Variants in PCDH9 observed in about 807,000 individuals in gnomAD.
The protein encoded by PCDH9 is protocadherin 9.
Under a neutral mutation model 70.6 loss-of-function variants are expected in PCDH9, and 24 were observed. The ratio of observed to expected loss-of-function variants is 0.34; its 90% CI spans 0.25 to 0.48. PCDH9 has a LOEUF of 0.48. Ranked by LOEUF, PCDH9 falls within the 20% of genes least tolerant of loss-of-function variation. PCDH9 has a pLI of 0.99. For missense variants in PCDH9, 1,281 were observed against 1,503.6 expected (o/e 0.85, Z 2.45); for synonymous variants, 562 against 558.5 (o/e 1.01, Z -0.09).
At position 67,227,671 on chromosome 13, in the gene PCDH9, A is replaced by T. The variant is rs760690872; in HGVS notation, c.770T>A (p.Val257Glu). 1.9e-6 allele frequency: 3 copies of T among 1,613,670 alleles called. No homozygotes were observed. Among genetic ancestry groups the T allele is most frequent in the East Asian group, 4.5e-5 (2 of 44,890 alleles). ...AGCATTCTCTGGAATATGCACCTCC[A>T]CTTGACCCTCTTTAAACACTGGCCT... is the stretch of plus-strand genomic sequence containing the variant. Reference protein sequence around the residue: ...DNRPVFKEGQVEVHIPENAPV... With the variant: ...DNRPVFKEGQEEVHIPENAPV... The change falls in exon 2 of 5, where the codon GTG becomes GAG. Residue 257 changes from valine to glutamate, a missense_variant. By Grantham distance (121) the Val-to-Glu change is moderately radical. Around this residue, in one of 4 missense-constraint regions of PCDH9, gnomAD observed 798 missense variants for 1,003.1 expected, o/e 0.80. Coordinates refer to ENST00000377865, the MANE Select transcript of PCDH9 (RefSeq NM_203487.3). The surrounding 1 kb of genome is among the most constrained non-coding windows in gnomAD (Gnocchi z 4.6).
intron 2 of PCDH9, among the ~76,000 whole-genome samples, chr13:67,052,444 T>C (rs2085340504): frequency 1.3e-5 from 2 of 152,098 alleles, no homozygotes; most frequent in African/African-American, 4.8e-5. Context: ...GATCACCTTG[T>C]AAGCTTAGTT....
At chr13:66,905,014 C>T (rs1328704288) in intron 2 of PCDH9, among the ~76,000 whole-genome samples, 4 of 151,916 alleles carry the variant, frequency 2.6e-5, no homozygotes, top group South Asian at 2.1e-4. Context: ...TCTTTTCATG[C>T]GTCATTCAAC....
rs950783941 is a variant in PCDH9, at chr13:66,650,176, C to A, written c.3139-18765G>T. On this transcript the variant is annotated intron_variant, in intron 3 of 4. Transcript: ENST00000377865. ...CTGTAAATGAACTAAACTGTCCAAT[C>A]AAAAAAAATAGAGTAGCTGAATGAA... is the stretch of plus-strand genomic sequence containing the variant. Among the ~76,000 whole-genome samples, 8 of 150,812 alleles carry A rather than the reference C, an allele frequency of 5.3e-5. No individual in the cohort carries two copies. In the South Asian group the frequency reaches 1.7e-3, roughly 31 times the overall value.
At position 67,067,788 on chromosome 13, in the gene PCDH9, C is replaced by T. The variant is rs74093591; in HGVS notation, c.3036+157617G>A. On this transcript the variant is annotated intron_variant, in intron 2 of 4. Coordinates refer to ENST00000377865, the MANE Select transcript of PCDH9 (RefSeq NM_203487.3). ...TCGTGGGGAATAGCGATGGGGGGGG[C>T]AGTTTCATCCAAGATATACTAAAAC... Among the ~76,000 whole-genome samples, 830 of 146,092 alleles carry T rather than the reference C, an allele frequency of 5.7e-3. 7 individuals are homozygous for T. Among genetic ancestry groups the T allele is most frequent in the African/African-American group, 0.02 (799 of 39,338 alleles).
rs185133909 is a variant in PCDH9 at position 66,498,878 on chromosome 13, T to C, written c.3340+132332A>G. Among the ~76,000 whole-genome samples, 18 of 151,830 alleles carry C rather than the reference T, an allele frequency of 1.2e-4. No individual in the cohort carries two copies. In the East Asian group the frequency reaches 3.3e-3, roughly 28 times the overall value. On this transcript the variant is annotated intron_variant, in intron 4 of 4. Transcript: ENST00000377865. Reference sequence around the variant, plus strand: ...TCATTGGCAGCTATACCAAAAGTTGTTTTTCACCAACAGAATTGAAATACA... The same window carrying C: ...TCATTGGCAGCTATACCAAAAGTTGCTTTTCACCAACAGAATTGAAATACA...
At chr13:66,322,709 A>G (rs1390701167) in intron 4 of PCDH9, among the ~76,000 whole-genome samples, 1 of 152,026 alleles carries the variant, frequency 6.6e-6, no homozygotes, top group Non-Finnish European at 1.5e-5. Context: ...TATATACTCT[A>G]AGAATCAATG....
intron 2 of PCDH9, among the ~76,000 whole-genome samples, chr13:67,069,547 A>G (rs1005530862): frequency 1.3e-5 from 2 of 152,178 alleles, no homozygotes; most frequent in African/African-American, 4.8e-5. Flanking sequence ...CCTCAAAAGC[A>G]TCAGACCAGT....
rs769792952 is a variant in PCDH9 at position 66,895,871 on chromosome 13, C to G, written c.3138+7633G>C. On this transcript the variant is annotated intron_variant, in intron 3 of 4. Transcript: ENST00000377865. ...GTCATTTATCTGAAAGGCTCATCCC[C>G]CCTCTCTTTGTGCATCATTTTCTAC... Among the ~76,000 whole-genome samples, 301 of 152,306 alleles carry G rather than the reference C, an allele frequency of 2.0e-3. 2 individuals carry two copies. Among genetic ancestry groups the G allele is most frequent in the Middle Eastern group, 0.01 (3 of 294 alleles).
chr13:66,803,775 C>A lies in PCDH9; in HGVS notation c.3138+99729G>T, dbSNP rs535512933. 5.3e-5 allele frequency among the ~76,000 whole-genome samples: 8 copies of A among 152,322 alleles called. No homozygotes were observed. In the East Asian group the frequency reaches 1.5e-3, roughly 29 times the overall value. ...AGAAAATTTGACCCGTGAGAAGGAA[C>A]TGCCATCTATATTCCTTTGCTTAGT... On this transcript the variant is annotated intron_variant, in intron 3 of 4. Transcript: ENST00000377865.
At chr13:66,510,570 C>T (rs1176088663) in intron 4 of PCDH9, among the ~76,000 whole-genome samples, 1 of 152,018 alleles carries the variant, frequency 6.6e-6, no homozygotes, top group Non-Finnish European at 1.5e-5. Flanking sequence ...TCCAGGTGTT[C>T]TCATTGTTCA....
intron 3 of PCDH9, among the ~76,000 whole-genome samples, chr13:66,719,442 C>T (rs1020931099): frequency 3.9e-5 from 6 of 152,076 alleles, no homozygotes; most frequent in East Asian, 1.9e-4. Flanking sequence ...TTGAGGAGGG[C>T]TCCCTGGGCC....
intron 4 of PCDH9, among the ~76,000 whole-genome samples, chr13:66,375,410 T>G (rs533267627): frequency 6.6e-6 from 1 of 152,096 alleles, no homozygotes; most frequent in African/African-American, 2.4e-5. Context: ...ATTGCTTTGT[T>G]TTTTGTTAAT....
rs776906159 is a variant in PCDH9, at chr13:66,838,548, T to C, written c.3138+64956A>G. On this transcript the variant is annotated intron_variant, in intron 3 of 4. Transcript: ENST00000377865. ...ATTAATAGCTAAAATGTATTTGATA[T>C]ATTTTACAAGCTTTTGTTCTACTTC... Among the ~76,000 whole-genome samples the C allele has an allele frequency of 1.9e-3, 296 of 152,214 alleles. 1 individual carries two copies. The highest frequency in any genetic ancestry group is 3.4e-3 in the Non-Finnish European group (228 of 67,984).
At chr13:66,926,554 C>A (rs1055836717) in intron 2 of PCDH9, among the ~76,000 whole-genome samples, 6 of 152,004 alleles carry the variant, frequency 3.9e-5, no homozygotes, top group African/African-American at 1.2e-4. Flanking sequence ...CCAAAATTAC[C>A]ATTCTAGAAT....
intron 2 of PCDH9, among the ~76,000 whole-genome samples, chr13:67,053,139 T>C (rs948747880): frequency 6.6e-6 from 1 of 152,008 alleles, no homozygotes; most frequent in African/African-American, 2.4e-5. Flanking sequence ...TTGAGCACAA[T>C]CTACAAGCAG....
chr13:67,076,196 T>G (rs189124202), intron 2 of PCDH9, among the ~76,000 whole-genome samples: 1 of 152,270 alleles, frequency 6.6e-6, no homozygotes, highest in Non-Finnish European at 1.5e-5. Flanking sequence ...TATTTTACTG[T>G]TATTATTTCA....
At chr13:67,094,035 T>G (rs1257208349) in intron 2 of PCDH9, among the ~76,000 whole-genome samples, 1 of 152,144 alleles carries the variant, frequency 6.6e-6, no homozygotes, top group African/African-American at 2.4e-5. Context: ...ATATGCTGAT[T>G]TAATAAAAAA....
chr13:66,736,797 A>G (rs2079156091), intron 3 of PCDH9, among the ~76,000 whole-genome samples: 1 of 152,206 alleles, frequency 6.6e-6, no homozygotes, highest in South Asian at 2.1e-4. Flanking sequence ...TCTGAAACAT[A>G]CACTTCCTTT....
At chr13:66,470,334 T>A (rs369428570) in intron 4 of PCDH9, among the ~76,000 whole-genome samples, 1 of 152,170 alleles carries the variant, frequency 6.6e-6, no homozygotes, top group Non-Finnish European at 1.5e-5. Flanking sequence ...AATTTTAGCA[T>A]GTATGCACAC....
Sources: allele counts gnomAD v4.1 joint callset (sites outside exome capture counted in the v4.1 genomes callset), GRCh38; gene constraint gnomAD v4.1.1; regional missense constraint gnomAD v4.1.1; non-coding constraint Gnocchi (gnomAD v3.1); transcripts MANE v1.5; gene names NCBI Gene and HGNC (gene_info 2026-07-23, HGNC 2026-07-21).